Variants in OPCML observed in about 807,000 individuals in gnomAD.
OPCML encodes opioid binding protein/cell adhesion molecule like.
Under a neutral mutation model 37.8 loss-of-function variants are expected in OPCML, and 13 were observed. The ratio of observed to expected loss-of-function variants is 0.34; its 90% CI spans 0.22 to 0.55. The LOEUF (loss-of-function observed/expected upper bound fraction) is 0.55. OPCML is among the 20% of genes least tolerant of loss of function. OPCML has a pLI of 0.91. For synonymous variants in OPCML, 176 were observed against 168.8 expected, an observed-to-expected ratio of 1.04 and a Z score of -0.33; for missense variants, 341 against 435.6, an observed-to-expected ratio of 0.78 and a Z score of 1.93.
intron 2 of OPCML, among the ~76,000 whole-genome samples, chr11:132,812,704 T>C (rs769747790): frequency 3.3e-5 from 5 of 152,242 alleles, no homozygotes; most frequent in Non-Finnish European, 5.9e-5. Flanking sequence ...GGAACTACAA[T>C]GATCTTGATT....
intron 2 of OPCML, among the ~76,000 whole-genome samples, chr11:132,799,425 G>C (rs1185478182): frequency 6.6e-6 from 1 of 152,108 alleles, no homozygotes; most frequent in Non-Finnish European, 1.5e-5. Context: ...GAATTGAGGA[G>C]AATTAGGGTC....
At chr11:133,169,530 G>C (rs1950259743) in intron 1 of OPCML, among the ~76,000 whole-genome samples, 1 of 152,136 alleles carries the variant, frequency 6.6e-6, no homozygotes, top group Admixed American at 6.5e-5. Context: ...GTTCTTTATT[G>C]TTGTAATCAC....
chr11:133,082,409 T>G (rs1215315004), intron 1 of OPCML, among the ~76,000 whole-genome samples: 2 of 36,516 alleles, frequency 5.5e-5, no homozygotes, highest in Admixed American at 6.2e-4. Context: ...GCACCCCTCC[T>G]CTCCTCCCTA....
At chr11:132,803,669 A>G (rs1938822190) in intron 2 of OPCML, among the ~76,000 whole-genome samples, 1 of 152,208 alleles carries the variant, frequency 6.6e-6, no homozygotes, top group South Asian at 2.1e-4. Context: ...CCCCTTGCTT[A>G]GTCACTACCC....
chr11:132,808,515 G>A (rs2136219974), intron 2 of OPCML, among the ~76,000 whole-genome samples: 1 of 152,324 alleles, frequency 6.6e-6, no homozygotes. Context: ...AAGGCTGGAG[G>A]CTTGATCCTG....
chr11:132,890,296 T>C (rs1943590315), intron 2 of OPCML, among the ~76,000 whole-genome samples: 3 of 152,286 alleles, frequency 2.0e-5, no homozygotes, highest in Admixed American at 2.0e-4. Context: ...CCTCCAAATC[T>C]CACTGCTCAG....
intron 1 of OPCML, among the ~76,000 whole-genome samples, chr11:133,519,155 C>A (rs77150015): frequency 0.043 from 6,598 of 152,206 alleles, 198 homozygotes; most frequent in South Asian, 0.097. Context: ...TGGGCTTCAC[C>A]TTTGCCCTTC....
intron 4 of OPCML, among the ~76,000 whole-genome samples, chr11:132,441,268 C>T (rs1301557196): frequency 1.4e-5 from 2 of 143,980 alleles, no homozygotes; most frequent in Non-Finnish European, 1.5e-5. Context: ...CCCGGGTTCA[C>T]GCCATTCTCC....
intron 2 of OPCML, among the ~76,000 whole-genome samples, chr11:132,667,284 T>C (rs1281596827): frequency 1.3e-5 from 2 of 152,246 alleles, no homozygotes; most frequent in Admixed American, 1.3e-4. Flanking sequence ...CTGGGATGTT[T>C]CTAACTTTTG....
At chr11:133,048,922 T>A (rs1298226210) in intron 1 of OPCML, among the ~76,000 whole-genome samples, 1 of 152,232 alleles carries the variant, frequency 6.6e-6, no homozygotes, top group East Asian at 1.9e-4. Flanking sequence ...AGTTTGAAAG[T>A]CTAGTCAATA....
intron 1 of OPCML, among the ~76,000 whole-genome samples, chr11:133,431,667 G>T (rs1288198360): frequency 6.6e-6 from 1 of 151,688 alleles, no homozygotes; most frequent in Non-Finnish European, 1.5e-5. Context: ...GTTTCTCCAT[G>T]TTGGTCAGGC....
At position 133,205,272 on chromosome 11, in the gene OPCML, C is replaced by T. The variant is rs1939014573; in HGVS notation, c.62-262262G>A. On this transcript the variant is annotated intron_variant, in intron 1 of 7. Coordinates refer to ENST00000524381, the MANE Select transcript of OPCML (RefSeq NM_001012393.5). The surrounding 1 kb of genome is among the most constrained non-coding windows in gnomAD (Gnocchi z 4.8). ...ACTGGTAGGTTCCTTGAGGGTGGTG[C>T]TCTGGAAGAGGGCCTGGAAGCTCTA... is the stretch of plus-strand genomic sequence containing the variant. Among the ~76,000 whole-genome samples, 1 of 151,830 alleles carries T rather than the reference C, an allele frequency of 6.6e-6. No homozygotes were observed. The highest frequency in any genetic ancestry group is 2.1e-4 in the South Asian group (1 of 4,812).
At chr11:133,274,794 A>G (rs184238835) in intron 1 of OPCML, among the ~76,000 whole-genome samples, 142 of 150,774 alleles carry the variant, frequency 9.4e-4, no homozygotes, top group African/African-American at 3.2e-3. Flanking sequence ...TAATTAGTCA[A>G]GTTTAACTGA....
chr11:133,041,803 A>C (rs1251981196), intron 1 of OPCML, among the ~76,000 whole-genome samples: 2 of 152,170 alleles, frequency 1.3e-5, no homozygotes, highest in East Asian at 3.9e-4. Context: ...AGCATTTCTG[A>C]CATCACTCTA....
At chr11:132,946,247 T>C (rs1383880294) in intron 1 of OPCML, among the ~76,000 whole-genome samples, 4 of 152,212 alleles carry the variant, frequency 2.6e-5, no homozygotes, top group Non-Finnish European at 5.9e-5. Flanking sequence ...TCTCCTATGA[T>C]GGCAATGCCT....
chr11:132,648,094 A>ACAT (rs1422804105), intron 3 of OPCML, among the ~76,000 whole-genome samples: 4 of 152,346 alleles, frequency 2.6e-5, no homozygotes, highest in Non-Finnish European at 5.9e-5. Context: ...GTGTAGAAAG[A>ACAT]CATCACTATT....
At chr11:133,261,783 C>A (rs1333895765) in intron 1 of OPCML, among the ~76,000 whole-genome samples, 1 of 152,228 alleles carries the variant, frequency 6.6e-6, no homozygotes, top group Non-Finnish European at 1.5e-5. Flanking sequence ...TCCTCTACTT[C>A]AATTGCCTTC....
intron 3 of OPCML, among the ~76,000 whole-genome samples, chr11:132,630,322 G>A (rs1210228017): frequency 6.6e-6 from 1 of 152,174 alleles, no homozygotes; most frequent in Non-Finnish European, 1.5e-5. Context: ...CACTTTGGGA[G>A]GCTGAGGTGG....
intron 1 of OPCML, among the ~76,000 whole-genome samples, chr11:132,953,507 C>T (rs566947918): frequency 1.4e-4 from 21 of 152,310 alleles, no homozygotes; most frequent in African/African-American, 5.1e-4. Context: ...AAATCAGCCT[C>T]ATTGCTTTAT....
Sources: gnomAD v4.1 joint callset for allele counts (sites outside exome capture counted in the v4.1 genomes callset) on GRCh38, gnomAD v4.1.1 for gene constraint, Gnocchi (gnomAD v3.1) non-coding constraint, MANE v1.5 for transcripts, NCBI Gene and HGNC (gene_info 2026-07-23, HGNC 2026-07-21) for gene names.